USP42: variants seen among roughly 807,000 people sequenced by gnomAD.
USP42 encodes the protein ubiquitin carboxyl-terminal hydrolase 42.
USP42 carries 23 observed loss-of-function variants against 113.0 expected under a neutral mutation model. The observed-to-expected ratio is 0.20, with a 90% CI of 0.15 to 0.29. The LOEUF is 0.29. USP42 is among the 10% of genes least tolerant of loss of function. The pLI is 1.00. For synonymous variants in USP42, 933 were observed against 699.0 expected, an observed-to-expected ratio of 1.33 and a Z score of -5.28; for missense variants, 2,174 against 1,779.8, an observed-to-expected ratio of 1.22 and a Z score of -3.99.
intron 3 of USP42, among the ~76,000 whole-genome samples, chr7:6,118,882 T>C (rs915408066): frequency 3.3e-5 from 5 of 152,154 alleles, no homozygotes; most frequent in African/African-American, 1.2e-4. Context: ...CACTTGTTTG[T>C]CTTGACACCG....
At chr7:6,134,451 G>A (rs916940813) in intron 3 of USP42, among the ~76,000 whole-genome samples, 2 of 152,072 alleles carry the variant, frequency 1.3e-5, no homozygotes, top group African/African-American at 4.8e-5. Context: ...ATATTTTTGA[G>A]CTTTATTGCA....
chr7:6,122,278 A>AG (rs1373923070), intron 3 of USP42, among the ~76,000 whole-genome samples: 1 of 139,684 alleles, frequency 7.2e-6, no homozygotes, highest in African/African-American at 2.7e-5. Flanking sequence ...GTCATGTGTC[A>AG]GTTTTTTTTT....
intron 3 of USP42, among the ~76,000 whole-genome samples, chr7:6,123,679 A>G (rs1780362532): frequency 6.6e-6 from 1 of 151,772 alleles, no homozygotes; most frequent in African/African-American, 2.4e-5. Context: ...AAAAATAAAT[A>G]AAAATAAAAT....
rs777930136 is a variant in USP42, at chr7:6,111,234, G to A, written c.101G>A (p.Gly34Asp). 6.2e-7 allele frequency: 1 copy of A among 1,609,636 alleles called. No individual in the cohort carries two copies. Among genetic ancestry groups the A allele is most frequent in the Non-Finnish European group, 8.5e-7 (1 of 1,177,878 alleles). ...EAVSPGDMDAGSASWGAVSSL... is the reference protein window; with the variant it reads ...EAVSPGDMDADSASWGAVSSL... Reference sequence around the variant, plus strand: ...GTCTCACCTGGAGACATGGATGCAGGTTCTGCCAGCTGGGGTGCTGTGTCT... The same window carrying A: ...GTCTCACCTGGAGACATGGATGCAGATTCTGCCAGCTGGGGTGCTGTGTCT... Residue 34 changes from glycine (G) to aspartate (D), a missense_variant, in exon 2 of 18, where the codon GGT (glycine) becomes GAT (aspartate). By Grantham distance (94) the Gly-to-Asp change is moderately conservative. Transcript: ENST00000306177.
chr7:6,116,473 A>G (rs1410984439), intron 3 of USP42: 2 of 208,328 alleles, frequency 9.6e-6, no homozygotes, highest in African/African-American at 4.8e-5. Context: ...TTATAAATGC[A>G]GTCTCCCTGT....
the USP42 span, among the ~76,000 whole-genome samples, chr7:6,090,272 C>A: frequency 7.2e-6 from 1 of 139,854 alleles, no homozygotes; most frequent in Admixed American, 7.3e-5. Flanking sequence ...TGCACACCAG[C>A]CTGGGCAACA....
At chr7:6,091,466 G>A in the USP42 span, among the ~76,000 whole-genome samples, 1 of 150,512 alleles carries the variant, frequency 6.6e-6, no homozygotes, top group Non-Finnish European at 1.5e-5. Context: ...AGACTCAGGC[G>A]ATTCTCCTAC....
chr7:6,142,532 A>G (rs1420687056), intron 7 of USP42, among the ~76,000 whole-genome samples: 1 of 152,078 alleles, frequency 6.6e-6, no homozygotes, highest in African/African-American at 2.4e-5. Context: ...TTTTCTTTTT[A>G]CATAAAAATT....
chr7:6,152,814 C>A, intron 14 of USP42: 2 of 361,066 alleles, frequency 5.5e-6, no homozygotes, highest in Non-Finnish European at 7.7e-6. Flanking sequence ...GCCTCTGATT[C>A]CTCATAATTT....
chr7:6,145,714 A>G (rs1185466503), intron 10 of USP42, 58 bp downstream of exon 10: 14 of 1,551,872 alleles, frequency 9.0e-6, no homozygotes, highest in Non-Finnish European at 1.2e-5. Flanking sequence ...AGACAGCAGT[A>G]GCATTCTTGG....
chr7:6,123,432 G>T (rs1780346969), intron 3 of USP42, among the ~76,000 whole-genome samples: 2 of 152,172 alleles, frequency 1.3e-5, no homozygotes, highest in Admixed American at 6.5e-5. Flanking sequence ...GGGAGGCCAA[G>T]GCGAGCAGAT....
the USP42 span, among the ~76,000 whole-genome samples, chr7:6,087,992 G>A: frequency 2.0e-5 from 3 of 150,960 alleles, no homozygotes; most frequent in Admixed American, 2.0e-4. Flanking sequence ...CCTCTCAACG[G>A]TTACCTGCTA....
At chr7:6,108,112 A>G (rs1779392299) in intron 1 of USP42, among the ~76,000 whole-genome samples, 1 of 152,198 alleles carries the variant, frequency 6.6e-6, no homozygotes, top group South Asian at 2.1e-4. Context: ...TGAAGCCAGG[A>G]GGTGGAGAAG....
At chr7:6,096,681 T>C in the USP42 span, among the ~76,000 whole-genome samples, 8 of 151,316 alleles carry the variant, frequency 5.3e-5, no homozygotes, top group Non-Finnish European at 1.0e-4. Flanking sequence ...TGGAGATTAA[T>C]CCCAAGTTCC....
Position 6,157,928 on chromosome 7 carries a change from C to T in USP42, c.3943+873C>T, listed in dbSNP as rs1421089071. On this transcript the variant is annotated intron_variant, in intron 16 of 17. Coordinates refer to ENST00000306177, the MANE Select transcript of USP42 (RefSeq NM_032172.3). This position sits in a 1 kb window ranked among gnomAD's most constrained non-coding sequence, Gnocchi z 4.1. The stretch of plus-strand genomic sequence containing the variant: ...TGAGGCAGCCCCCCACTTCCTCTCC[C>T]GTTGGTGTCCGGTGACCGCTCACCC... Among the ~76,000 whole-genome samples the T allele has an allele frequency of 1.3e-5, 2 of 152,172 alleles. No homozygotes were observed. Among genetic ancestry groups the T allele is most frequent in the African/African-American group, 2.4e-5 (1 of 41,440 alleles).
chr7:6,161,151 T>A lies in USP42; in HGVS notation c.*633T>A, dbSNP rs1003501274. On this transcript the variant is annotated 3_prime_UTR_variant, in exon 18 of 18. Transcript: ENST00000306177. Reference sequence around the variant, plus strand: ...TCCCAGTTATGATGAGTATTTACATTATGAATGTATAACCCAGACATGATT... The same window carrying A: ...TCCCAGTTATGATGAGTATTTACATAATGAATGTATAACCCAGACATGATT... 2.0e-5 allele frequency: 3 copies of A among 152,674 alleles called. No individual in the cohort carries two copies. Among genetic ancestry groups the A allele is most frequent in the African/African-American group, 7.2e-5 (3 of 41,462 alleles). 9.5% of individuals were successfully genotyped at this position (152,674 alleles called of 1,614,324 possible). A position where few individuals can be genotyped will look rare whatever the true frequency, so the allele number is the denominator to read the frequency against.
chr7:6,113,608 G>GT (rs1463828862), intron 2 of USP42, among the ~76,000 whole-genome samples: 3 of 151,304 alleles, frequency 2.0e-5, no homozygotes, highest in African/African-American at 4.9e-5. Flanking sequence ...CAGCCTTTTG[G>GT]TTTTTTTTGT....
chr7:6,151,289 A>T (rs1026845817), intron 14 of USP42, among the ~76,000 whole-genome samples: 3 of 152,176 alleles, frequency 2.0e-5, no homozygotes, highest in Non-Finnish European at 2.9e-5. Context: ...TCAATTTGTT[A>T]AAAAAATTGA....
the USP42 span, among the ~76,000 whole-genome samples, chr7:6,092,036 TTC>T: frequency 3.5e-3 from 339 of 97,216 alleles, no homozygotes; most frequent in Middle Eastern, 0.016. Context: ...CTTCTTCTTC[TTC>T]TTCTTCTTCT....
Sources: gnomAD v4.1 joint callset for allele counts (sites outside exome capture counted in the v4.1 genomes callset) on GRCh38, gnomAD v4.1.1 for gene constraint, Gnocchi (gnomAD v3.1) non-coding constraint, MANE v1.5 for transcripts, NCBI Gene and HGNC (gene_info 2026-07-23, HGNC 2026-07-21) for gene names.